Variants in LMBR1 observed in about 807,000 individuals in gnomAD.
The protein encoded by LMBR1 is limb region 1 protein homolog.
Under a neutral mutation model 73.9 loss-of-function variants are expected in LMBR1, and 52 were observed. The observed-to-expected ratio is 0.70, with a 90% CI of 0.56 to 0.89. LMBR1 has a LOEUF of 0.89. Among genes scored for constraint, LMBR1 ranks in the 40% least tolerant of loss-of-function variants. The pLI, the probability that LMBR1 is intolerant of heterozygous loss-of-function variation, is 0.00. For missense variants in LMBR1, 539 were observed against 579.8 expected (o/e 0.93, Z 0.72); for synonymous variants, 215 against 209.4 (o/e 1.03, Z -0.23).
intron 10 of LMBR1, among the ~76,000 whole-genome samples, chr7:156,731,216 C>T (rs1816774550): frequency 6.6e-6 from 1 of 151,708 alleles, no homozygotes. Flanking sequence ...GGAAGACAGA[C>T]CAGGAGAAAA....
intron 5 of LMBR1, among the ~76,000 whole-genome samples, chr7:156,777,665 A>G (rs1826392982): frequency 6.6e-6 from 1 of 152,202 alleles, no homozygotes; most frequent in Admixed American, 6.5e-5. Flanking sequence ...TCTGAAGTTT[A>G]TATCTTTAGT....
rs539345005 is a variant in LMBR1, at chr7:156,886,361, G to A, written c.66+6567C>T. Among the ~76,000 whole-genome samples, 7 of 152,322 alleles carry A rather than the reference G, an allele frequency of 4.6e-5. No homozygotes were observed. The East Asian group carries it at 9.6e-4, about 21-fold the overall frequency. ...CTATGAATATTCACAAAGTGGGGGA[G>A]GTCATGCACATGCAGGCTGAATAAA... On this transcript the variant is annotated intron_variant, in intron 1 of 16. Coordinates refer to ENST00000353442, the MANE Select transcript of LMBR1 (RefSeq NM_022458.4).
chr7:156,725,856 A>G lies in LMBR1; in HGVS notation c.994-19T>C. ...CAGGCCCCTGGGGTGGGAGAAAGAC[A>G]CTTTTCAGAATTTGATGACACCATT... On this transcript the variant is annotated intron_variant, in intron 12 of 16. Transcript: ENST00000353442. 6.3e-7 allele frequency: 1 copy of G among 1,597,994 alleles called. No individual in the cohort carries two copies. The highest frequency in any genetic ancestry group is 8.6e-7 in the Non-Finnish European group (1 of 1,169,388).
chr7:156,693,925 C>A (rs139015231), intron 15 of LMBR1, among the ~76,000 whole-genome samples: 48 of 152,244 alleles, frequency 3.2e-4, no homozygotes, highest in African/African-American at 1.2e-3. Flanking sequence ...AACTCAACAA[C>A]ACATTAATAG....
intron 4 of LMBR1, among the ~76,000 whole-genome samples, chr7:156,825,506 G>T (rs902131082): frequency 3.3e-5 from 5 of 152,086 alleles, no homozygotes; most frequent in African/African-American, 4.8e-5. Context: ...TGAGTCTTTT[G>T]CATTGCATGC....
At chr7:156,747,698 AAAAAGTTTGATT>A (rs1266582058) in intron 9 of LMBR1, among the ~76,000 whole-genome samples, 2 of 152,196 alleles carry the variant, frequency 1.3e-5, no homozygotes, top group African/African-American at 4.8e-5. Flanking sequence ...TATAACCAAA[AAAAAGTTTGATT>A]AGAAAATATT....
chr7:156,676,474 C>CT, downstream of LMBR1: 5 of 1,614,096 alleles, frequency 3.1e-6, no homozygotes, highest in Non-Finnish European at 4.2e-6. Flanking sequence ...CTCTCCGCTG[C>CT]TGGCGGTCAG....
intron 3 of LMBR1, among the ~76,000 whole-genome samples, chr7:156,828,438 T>C (rs6967226): frequency 0.36 from 54,191 of 151,994 alleles, 9,927 homozygotes; most frequent in East Asian, 0.57. Flanking sequence ...GAGTAATGCA[T>C]CTTTTCTAAT....
chr7:156,808,809 G>A (rs1372298360), intron 4 of LMBR1, among the ~76,000 whole-genome samples: 2 of 151,646 alleles, frequency 1.3e-5, no homozygotes, highest in Non-Finnish European at 2.9e-5. Context: ...TGATTTTATT[G>A]GCTGCTCTGC....
At chr7:156,733,100 G>A (rs1446472567) in intron 10 of LMBR1, among the ~76,000 whole-genome samples, 1 of 152,050 alleles carries the variant, frequency 6.6e-6, no homozygotes, top group East Asian at 1.9e-4. Context: ...AGTTGAGATC[G>A]CACCATTGCA....
intron 15 of LMBR1, among the ~76,000 whole-genome samples, chr7:156,718,323 C>T: frequency 6.6e-6 from 1 of 151,662 alleles, no homozygotes; most frequent in East Asian, 1.9e-4. Flanking sequence ...TCACTTGAAC[C>T]CAGGAGGCAG....
At chr7:156,841,381 C>T (rs1838676429) in intron 1 of LMBR1, among the ~76,000 whole-genome samples, 1 of 152,222 alleles carries the variant, frequency 6.6e-6, no homozygotes, top group African/African-American at 2.4e-5. Flanking sequence ...ACCTTAGAAT[C>T]ATCTGCAGAT....
At chr7:156,688,301 T>C in intron 15 of LMBR1, 110 bp from the exon 16 acceptor site, 1 of 682,956 alleles carries the variant, frequency 1.5e-6, no homozygotes, top group Non-Finnish European at 2.4e-6. Context: ...CTCACTTCTG[T>C]GACGTGAGAT....
intron 5 of LMBR1, among the ~76,000 whole-genome samples, chr7:156,769,491 C>T (rs1045782965): frequency 6.6e-6 from 1 of 152,210 alleles, no homozygotes; most frequent in Non-Finnish European, 1.5e-5. Flanking sequence ...AAGGTCTTTT[C>T]ATATCACTAA....
chr7:156,821,653 G>GA (rs1460866412), intron 4 of LMBR1, among the ~76,000 whole-genome samples: 18 of 152,162 alleles, frequency 1.2e-4, no homozygotes, highest in Non-Finnish European at 2.4e-4. Context: ...CTTTGAATGG[G>GA]AAAAAAATGT....
chr7:156,672,790 C>T (rs957730352), intron 4 of LMBR1, among the ~76,000 whole-genome samples: 3 of 152,230 alleles, frequency 2.0e-5, no homozygotes, highest in Non-Finnish European at 4.4e-5. Context: ...TGAAAGCGCA[C>T]GCACAGCGAT....
intron 4 of LMBR1, among the ~76,000 whole-genome samples, chr7:156,811,581 C>T (rs1833105924): frequency 6.6e-6 from 1 of 151,760 alleles, no homozygotes; most frequent in Admixed American, 6.6e-5. Flanking sequence ...TGCACTCCAG[C>T]CTGGGCGACA....
At chr7:156,785,423 T>C (rs2133239912) in intron 5 of LMBR1, among the ~76,000 whole-genome samples, 1 of 152,234 alleles carries the variant, frequency 6.6e-6, no homozygotes, top group South Asian at 2.1e-4. Flanking sequence ...ATCAGTGTAA[T>C]ATGCTTCACG....
chr7:156,715,081 AG>A (rs1456912196), intron 15 of LMBR1, among the ~76,000 whole-genome samples: 1 of 151,216 alleles, frequency 6.6e-6, no homozygotes, highest in Non-Finnish European at 1.5e-5. Flanking sequence ...CCTTCCAAGT[AG>A]CTGGGATTAC....
Sources: gnomAD v4.1 joint callset for allele counts (sites outside exome capture counted in the v4.1 genomes callset) on GRCh38, gnomAD v4.1.1 for gene constraint, MANE v1.5 for transcripts, NCBI Gene and HGNC (gene_info 2026-07-23, HGNC 2026-07-21) for gene names.